SLC2A13: variants seen among roughly 807,000 people sequenced by gnomAD.
The protein encoded by SLC2A13 is solute carrier family 2 member 13.
Under a neutral mutation model 64.4 loss-of-function variants are expected in SLC2A13, and 32 were observed. The ratio of observed to expected loss-of-function variants is 0.50; its 90% CI spans 0.37 to 0.67. SLC2A13 has a LOEUF of 0.67. Ranked by LOEUF, SLC2A13 falls within the 30% of genes least tolerant of loss-of-function variation. The pLI is 0.00. For synonymous variants in SLC2A13, 338 were observed against 327.1 expected (o/e 1.03, Z -0.36); for missense variants, 743 against 829.2 (o/e 0.90, Z 1.28).
Position 39,822,899 on chromosome 12 carries a change from T to A in SLC2A13, c.1445+7204A>T, listed in dbSNP as rs530194317. 1.9e-3 allele frequency among the ~76,000 whole-genome samples: 285 copies of A among 152,330 alleles called. 1 individual carries two copies. Among genetic ancestry groups the A allele is most frequent in the Middle Eastern group, 0.01 (3 of 294 alleles). The stretch of plus-strand genomic sequence containing the variant: ...TACAATTAAATGTCAAGTAAGAAAT[T>A]CGATAAATTAATATGGACGAGGGAG... On this transcript the variant is annotated intron_variant, in intron 7 of 9. Transcript: ENST00000280871.
intron 4 of SLC2A13, among the ~76,000 whole-genome samples, chr12:39,936,303 T>A (rs1430358195): frequency 6.6e-6 from 1 of 152,192 alleles, no homozygotes; most frequent in African/African-American, 2.4e-5. Flanking sequence ...CAATCTATTG[T>A]GGATGCTTGA....
At chr12:39,828,250 A>G (rs1262708006) in intron 7 of SLC2A13, among the ~76,000 whole-genome samples, 1 of 152,126 alleles carries the variant, frequency 6.6e-6, no homozygotes, top group Non-Finnish European at 1.5e-5. Context: ...AGGAGTAAGA[A>G]AACATTTTTT....
intron 7 of SLC2A13, among the ~76,000 whole-genome samples, chr12:39,783,667 T>C (rs552862763): frequency 1.1e-4 from 17 of 152,356 alleles, no homozygotes; most frequent in Non-Finnish European, 2.1e-4. Context: ...ATAAATGTCT[T>C]CTTTTGAGAA....
At chr12:39,786,049 T>A (rs918458398) in intron 7 of SLC2A13, among the ~76,000 whole-genome samples, 6 of 152,092 alleles carry the variant, frequency 3.9e-5, no homozygotes, top group African/African-American at 1.4e-4. Flanking sequence ...TGAAATGAGT[T>A]AAGAATTTGC....
chr12:40,039,134 T>C (rs1329258611), intron 2 of SLC2A13, among the ~76,000 whole-genome samples: 1 of 152,212 alleles, frequency 6.6e-6, no homozygotes, highest in Non-Finnish European at 1.5e-5. Context: ...AAACTACACA[T>C]TTTGTATCAT....
At chr12:39,950,181 T>C (rs544245358) in intron 4 of SLC2A13, 2 of 152,142 alleles carry the variant, frequency 1.3e-5, no homozygotes, top group African/African-American at 2.4e-5. Context: ...CCTTCTTTTT[T>C]AAAAATATTT....
At chr12:39,857,375 G>A (rs560159830) in intron 6 of SLC2A13, among the ~76,000 whole-genome samples, 109 of 152,218 alleles carry the variant, frequency 7.2e-4, no homozygotes, top group Non-Finnish European at 1.4e-3. Context: ...GTGAGGTTTC[G>A]GATCCTATAT....
intron 5 of SLC2A13, among the ~76,000 whole-genome samples, chr12:39,870,395 C>A (rs982518044): frequency 6.6e-6 from 1 of 152,130 alleles, no homozygotes; most frequent in South Asian, 2.1e-4. Flanking sequence ...TCTATCCTTT[C>A]GTTGAGAGTT....
intron 8 of SLC2A13, 26 bp from the exon 9 acceptor site, chr12:39,764,638 T>C (rs1433141968): frequency 1.9e-6 from 3 of 1,579,314 alleles, no homozygotes; most frequent in Admixed American, 2.0e-5. Context: ...TTAAAAACTT[T>C]AGTAAAATAG....
At chr12:40,027,627 T>C (rs1947836538) in intron 3 of SLC2A13, among the ~76,000 whole-genome samples, 1 of 152,164 alleles carries the variant, frequency 6.6e-6, no homozygotes, top group East Asian at 1.9e-4. Context: ...ATTTGACTAA[T>C]ACAAATCTGC....
intron 9 of SLC2A13, among the ~76,000 whole-genome samples, chr12:39,762,427 G>T (rs548144744): frequency 2.5e-5 from 3 of 117,656 alleles, no homozygotes; most frequent in African/African-American, 8.5e-5. Flanking sequence ...TACCTCAAGA[G>T]AGAAGCTTTG....
intron 1 of SLC2A13, among the ~76,000 whole-genome samples, 154 bp from the exon 2 acceptor site, chr12:40,048,364 C>T (rs1454724240): frequency 6.6e-6 from 1 of 152,098 alleles, no homozygotes; most frequent in East Asian, 1.9e-4. Context: ...TTGTTCATAA[C>T]TAATTTGGGG....
At position 39,861,270 on chromosome 12, in the gene SLC2A13, T is replaced by C. The variant is rs114741309; in HGVS notation, c.1319+3492A>G. Among the ~76,000 whole-genome samples, 493 of 152,340 alleles carry C rather than the reference T, an allele frequency of 3.2e-3. 1 individual carries two copies. Among genetic ancestry groups the C allele is most frequent in the African/African-American group, 0.011 (471 of 41,570 alleles). The stretch of plus-strand genomic sequence containing the variant: ...ATGACTGTAATGTTTATTGAGTGCT[T>C]ATTATGTGCCAAGCACTGTTTAAGG... On this transcript the variant is annotated intron_variant, in intron 6 of 9. Transcript: ENST00000280871.
chr12:39,760,002 A>G lies in SLC2A13; in HGVS notation c.*24T>C. The stretch of plus-strand genomic sequence containing the variant: ...CTTCTCCCCCCAGTTTGTTTAAATA[A>G]CTAAATATATGAGCAGCTGAAAATT... On this transcript the variant is annotated 3_prime_UTR_variant, in exon 10 of 10. Transcript: ENST00000280871. 1 of 1,586,164 alleles carries G rather than the reference A, an allele frequency of 6.3e-7. No individual in the cohort carries two copies.
intron 7 of SLC2A13, among the ~76,000 whole-genome samples, chr12:39,804,225 T>C (rs759511529): frequency 2.0e-5 from 3 of 152,014 alleles, no homozygotes; most frequent in Non-Finnish European, 4.4e-5. Flanking sequence ...CAGGAAAATA[T>C]CAACAAAAAG....
intron 2 of SLC2A13, among the ~76,000 whole-genome samples, chr12:40,042,427 C>T (rs1195047636): frequency 6.6e-6 from 1 of 151,892 alleles, no homozygotes; most frequent in Non-Finnish European, 1.5e-5. Flanking sequence ...TTTTCAGGTT[C>T]CTAGGGAGGT....
chr12:40,072,918 T>G (rs1375961348), intron 1 of SLC2A13, among the ~76,000 whole-genome samples: 3 of 152,106 alleles, frequency 2.0e-5, no homozygotes, highest in African/African-American at 7.2e-5. Context: ...ATTTATTTGT[T>G]CTTATTTTTG....
chr12:40,003,102 G>A (rs1359645967), intron 3 of SLC2A13, among the ~76,000 whole-genome samples: 2 of 152,190 alleles, frequency 1.3e-5, no homozygotes, highest in African/African-American at 4.8e-5. Flanking sequence ...GACAGGGAGA[G>A]ATGTTTGGGA....
chr12:39,964,626 T>G (rs1271699750), intron 3 of SLC2A13, among the ~76,000 whole-genome samples: 2 of 152,214 alleles, frequency 1.3e-5, no homozygotes, highest in Non-Finnish European at 2.9e-5. Flanking sequence ...TGACAGAGCC[T>G]ACAAGGAAGA....
Sources: allele counts gnomAD v4.1 joint callset (sites outside exome capture counted in the v4.1 genomes callset), GRCh38; gene constraint gnomAD v4.1.1; transcripts MANE v1.5; gene names NCBI Gene and HGNC (gene_info 2026-07-23, HGNC 2026-07-21).